Variants in BNIP1 observed in about 807,000 individuals in gnomAD.
The protein encoded by BNIP1 is BCL2 interacting protein 1, also known as vesicle transport protein SEC20.
In BNIP1, 25 loss-of-function variants were observed where a neutral mutation model predicts 28.5. That is an observed-to-expected ratio of 0.88 (90% CI 0.64 to 1.23). The LOEUF (loss-of-function observed/expected upper bound fraction) is 1.23, where lower values mean the gene tolerates loss of function less well. Among genes scored for constraint, BNIP1 ranks in the 50% most tolerant of loss-of-function variants. BNIP1 has a pLI of 0.00. For missense variants in BNIP1, 276 were observed against 277.0 expected (o/e 1.00, Z 0.02); for synonymous variants, 118 against 101.7 (o/e 1.16, Z -0.96).
intron 3 of BNIP1, among the ~76,000 whole-genome samples, chr5:173,154,994 T>C (rs889629628): frequency 6.6e-6 from 1 of 152,224 alleles, no homozygotes; most frequent in Admixed American, 6.5e-5. Flanking sequence ...AAAAATATGA[T>C]TGCTTTTGTA....
rs1014635607 is a variant in BNIP1 at position 173,163,980 on chromosome 5, C to G, written c.*59C>G. Reference sequence around the variant, plus strand: ...TCCTGTTTCAGGATCTGTCCTGGTTCCTGAGCTCTAGGCTGCTAAGCTGAG... The same window carrying G: ...TCCTGTTTCAGGATCTGTCCTGGTTGCTGAGCTCTAGGCTGCTAAGCTGAG... On this transcript the variant is annotated 3_prime_UTR_variant, in exon 6 of 6. Transcript: ENST00000351486. The G allele has an allele frequency of 6.7e-7, 1 of 1,495,268 alleles. No homozygotes were observed. The highest frequency in any genetic ancestry group is 9.0e-7 in the Non-Finnish European group (1 of 1,113,418). 92.6% of individuals were successfully genotyped at this position (1,495,268 alleles called of 1,614,324 possible). A position where few individuals can be genotyped will look rare whatever the true frequency, so the allele number is the denominator to read the frequency against.
rs748038701 is a variant in BNIP1, at chr5:173,163,740, C to T, written c.506C>T (p.Thr169Met). Residue 169 changes from threonine to methionine, a missense_variant, in exon 6 of 6, where the codon ACG becomes ATG. Transcript: ENST00000351486. ...TTTGTTTCAGTCACTTCTTCACGAACGATCCTGGATGCAAATGAAGAATTT... is the reference window on the plus strand; with the variant it reads ...TTTGTTTCAGTCACTTCTTCACGAATGATCCTGGATGCAAATGAAGAATTT... ...AMQSLVTSSR[T>M]ILDANEEFKS... 1.7e-5 allele frequency: 27 copies of T among 1,601,668 alleles called. No individual in the cohort carries two copies. Among genetic ancestry groups the T allele is most frequent in the Middle Eastern group, 1.7e-4 (1 of 6,030 alleles).
At chr5:173,144,687 C>G in intron 1 of BNIP1, 58 bp downstream of exon 1, 6 of 1,562,822 alleles carry the variant, frequency 3.8e-6, no homozygotes, top group Non-Finnish European at 5.3e-6. Flanking sequence ...CTCTGCTGGT[C>G]TGTGAGCTTG....
chr5:173,151,472 C>A (rs545354236), intron 2 of BNIP1: 2 of 1,306,778 alleles, frequency 1.5e-6, no homozygotes, highest in Non-Finnish European at 2.1e-6. Context: ...TTGCCTGCCT[C>A]AGCCTTCCAA....
chr5:173,161,579 T>A (rs1309663660), intron 5 of BNIP1: 2 of 152,222 alleles, frequency 1.3e-5, no homozygotes, highest in Admixed American at 1.3e-4. Context: ...GTACAAGCGA[T>A]AACTATTGAA....
At chr5:173,156,830 A>G (rs556096949) in intron 3 of BNIP1, among the ~76,000 whole-genome samples, 11 of 151,650 alleles carry the variant, frequency 7.3e-5, no homozygotes, top group Non-Finnish European at 1.3e-4. Flanking sequence ...TTATATTTTT[A>G]GTAGAGATGG....
intron 2 of BNIP1, 67 bp downstream of exon 2, chr5:173,147,025 T>C: frequency 7.8e-7 from 1 of 1,279,300 alleles, no homozygotes; most frequent in South Asian, 1.2e-5. Flanking sequence ...TTGAGAGCCG[T>C]CTGGGTTCTT....
chr5:173,162,645 G>T (rs1005329698), intron 5 of BNIP1, among the ~76,000 whole-genome samples: 1 of 151,806 alleles, frequency 6.6e-6, no homozygotes, highest in Admixed American at 6.6e-5. Context: ...AAAAAGAAAA[G>T]AAACATTGTG....
In BNIP1 at chr5:173,149,478, T is replaced by C. The variant is rs1410426386; in HGVS notation, c.177+2520T>C. Among the ~76,000 whole-genome samples the C allele has an allele frequency of 2.0e-5, 3 of 151,960 alleles. 1 individual carries two copies. Among genetic ancestry groups the C allele is most frequent in the Non-Finnish European group, 2.9e-5 (2 of 67,964 alleles). On this transcript the variant is annotated intron_variant, in intron 2 of 5. Transcript: ENST00000351486. Reference sequence around the variant, plus strand: ...CTCCCACCAGGTACCTCCCATGACATATTGTGAGAGTTACAATTCAAGATG... The same window carrying C: ...CTCCCACCAGGTACCTCCCATGACACATTGTGAGAGTTACAATTCAAGATG...
chr5:173,151,545 C>T (rs777950997), intron 2 of BNIP1: 3 of 1,341,602 alleles, frequency 2.2e-6, no homozygotes, highest in African/African-American at 3.0e-5. Flanking sequence ...AAATAACTGT[C>T]ATTTTTTTTT....
At chr5:173,151,830 A>G (rs1760031809) in intron 2 of BNIP1, 1 of 1,304,918 alleles carries the variant, frequency 7.7e-7, no homozygotes, top group Non-Finnish European at 1.0e-6. Flanking sequence ...TAATAAGCAC[A>G]TGGCCAGTAA....
intron 5 of BNIP1, 52 bp downstream of exon 5, chr5:173,160,103 CCCTT>C: frequency 1.3e-6 from 2 of 1,542,408 alleles, no homozygotes; most frequent in Non-Finnish European, 1.8e-6. Flanking sequence ...TGCTCTAGGG[CCCTT>C]GCCCTGGCAC....
At chr5:173,160,710 G>A (rs966297747) in intron 5 of BNIP1, 2 of 430,800 alleles carry the variant, frequency 4.6e-6, no homozygotes, top group African/African-American at 4.0e-5. Flanking sequence ...GACCCATATG[G>A]CCAGGCAAGT....
intron 5 of BNIP1, among the ~76,000 whole-genome samples, chr5:173,160,311 C>T (rs1042229685): frequency 4.0e-5 from 6 of 151,846 alleles, no homozygotes; most frequent in Admixed American, 6.6e-5. Context: ...CTCAGCTCAC[C>T]GCAACCTCTG....
chr5:173,146,558 G>A (rs1759840386), intron 1 of BNIP1, among the ~76,000 whole-genome samples: 1 of 152,184 alleles, frequency 6.6e-6, no homozygotes. Flanking sequence ...GGGCATACAA[G>A]CTGTTTTAAG....
At chr5:173,153,849 C>T (rs907282442) in intron 2 of BNIP1, among the ~76,000 whole-genome samples, 5 of 152,176 alleles carry the variant, frequency 3.3e-5, no homozygotes, top group African/African-American at 1.2e-4. Context: ...TCTGTCCCTG[C>T]ACGAGCTCTC....
At chr5:173,154,977 T>C (rs1179057258) in intron 3 of BNIP1, among the ~76,000 whole-genome samples, 1 of 152,240 alleles carries the variant, frequency 6.6e-6, no homozygotes, top group Non-Finnish European at 1.5e-5. Flanking sequence ...TTGTATATTT[T>C]TAATCAAAAA....
chr5:173,155,115 AAAAAT>A (rs956117394), intron 3 of BNIP1, among the ~76,000 whole-genome samples: 14 of 152,110 alleles, frequency 9.2e-5, no homozygotes, highest in African/African-American at 3.1e-4. Context: ...GATGCTGTCT[AAAAAT>A]AAAATAAAAT....
At chr5:173,153,384 C>T (rs1033610224) in intron 2 of BNIP1, among the ~76,000 whole-genome samples, 8 of 151,992 alleles carry the variant, frequency 5.3e-5, no homozygotes, top group Admixed American at 1.3e-4. Flanking sequence ...CCCGCCACCA[C>T]GCCCGGCTAA....
Sources: gnomAD v4.1 joint callset for allele counts (sites outside exome capture counted in the v4.1 genomes callset) on GRCh38, gnomAD v4.1.1 for gene constraint, MANE v1.5 for transcripts, NCBI Gene and HGNC (gene_info 2026-07-23, HGNC 2026-07-21) for gene names.